The following DZIP1L variants were observed in gnomAD, a reference collection of about 807,000 sequenced individuals.
DZIP1L encodes the protein DAZ interacting zinc finger protein 1 like, also known as cilium assembly protein DZIP1L.
In DZIP1L, 90 loss-of-function variants were observed where a neutral mutation model predicts 88.7. The ratio of observed to expected loss-of-function variants is 1.02; its 90% CI spans 0.86 to 1.21. The LOEUF is 1.21. Ranked by LOEUF, DZIP1L falls within the 50% of genes most tolerant of loss-of-function variation. The pLI is 0.00. For synonymous variants in DZIP1L, 363 were observed against 372.1 expected (o/e 0.98, Z 0.28); for missense variants, 932 against 955.8 (o/e 0.98, Z 0.33).
In DZIP1L at chr3:138,103,836, C is replaced by T. The variant is rs770284499; in HGVS notation, c.136G>A (p.Val46Met). ...GTGGCCACATCCAGTTCCCGGGCCA[C>T]GCGGTCTACATCCAGGGTGCTAATG... Reference protein sequence around the residue: ...RRISTLDVDRVARELDVATLQ... With the variant: ...RRISTLDVDRMARELDVATLQ... The change falls in exon 2 of 16, where the codon GTG (valine) becomes ATG (methionine). Residue 46 changes from valine (V) to methionine (M), a missense_variant. Val to Met is a conservative substitution (Grantham distance 21, BLOSUM62 1). Transcript: ENST00000327532. The T allele has an allele frequency of 8.1e-6, 13 of 1,614,052 alleles. No individual in the cohort carries two copies. The highest frequency in any genetic ancestry group is 4.5e-5 in the East Asian group (2 of 44,900).
At chr3:138,094,816 G>C (rs775060883) in intron 4 of DZIP1L, 46 bp downstream of exon 4, 1 of 1,612,148 alleles carries the variant, frequency 6.2e-7, no homozygotes, top group South Asian at 1.1e-5. Context: ...GGTCTCCTGG[G>C]TAGTCCATGA....
In DZIP1L at chr3:138,063,084, T is replaced by C. The variant is rs1942761380; in HGVS notation, c.2143-107A>G. The C allele has an allele frequency of 8.1e-7, 1 of 1,235,304 alleles. No individual in the cohort carries two copies. The highest frequency in any genetic ancestry group is 2.7e-4 in the Middle Eastern group (1 of 3,660). The allele number at this position is 1,235,304 out of a possible 1,614,324, so 76.5% of individuals were successfully genotyped here. On this transcript the variant is annotated intron_variant, in intron 15 of 15. Transcript: ENST00000327532. This position sits in a 1 kb window ranked among gnomAD's most constrained non-coding sequence, Gnocchi z 4.1. ...AATGCAGAATGGAAATGGGGACAAA[T>C]GCAGACTGGGAAGAAAGCAATAGGG...
chr3:138,075,122 T>C (rs372118798), intron 11 of DZIP1L, among the ~76,000 whole-genome samples: 1 of 152,156 alleles, frequency 6.6e-6, no homozygotes, highest in Non-Finnish European at 1.5e-5. Context: ...TAAATATATA[T>C]GCACCTAACA....
intron 5 of DZIP1L, chr3:138,088,747 G>A (rs1944067983): frequency 2.6e-6 from 3 of 1,176,038 alleles, no homozygotes; most frequent in South Asian, 3.2e-5. Flanking sequence ...ATTAAAGAGT[G>A]TAGTTTCCAT....
intron 13 of DZIP1L, among the ~76,000 whole-genome samples, chr3:138,067,944 T>C (rs1312419175): frequency 6.6e-6 from 1 of 151,528 alleles, no homozygotes; most frequent in Non-Finnish European, 1.5e-5. Context: ...GGGGAGGACA[T>C]GGGTAAGGGG....
In DZIP1L at chr3:138,080,140, C is replaced by T. The variant is rs1196647519; in HGVS notation, c.1288+427G>A. ...TGGATTCCTATGCATTAGTCAGGCC[C>T]TGTGGGACCTATCTGCAGCACACTC... On this transcript the variant is annotated intron_variant, in intron 10 of 15. Coordinates refer to ENST00000327532, the MANE Select transcript of DZIP1L (RefSeq NM_173543.3). Among the ~76,000 whole-genome samples the T allele has an allele frequency of 2.6e-5, 4 of 152,178 alleles. No homozygotes were observed. In the East Asian group the frequency reaches 7.7e-4, roughly 29 times the overall value.
intron 2 of DZIP1L, chr3:138,101,753 G>T: frequency 2.0e-6 from 2 of 979,644 alleles, no homozygotes; most frequent in Non-Finnish European, 3.3e-6. Context: ...CCCTCCAGCA[G>T]CTTCCTATAG....
chr3:138,065,797 C>A (rs1319595484), intron 14 of DZIP1L, among the ~76,000 whole-genome samples: 2 of 152,228 alleles, frequency 1.3e-5, no homozygotes, highest in Non-Finnish European at 2.9e-5. Context: ...TATTCTTTAA[C>A]ACAGCCTTGG....
At chr3:138,099,476 T>C (rs1057011287) in intron 2 of DZIP1L, among the ~76,000 whole-genome samples, 4 of 152,164 alleles carry the variant, frequency 2.6e-5, no homozygotes, top group African/African-American at 9.6e-5. Context: ...GTAATAATAT[T>C]TGGTCTTAGA....
intron 9 of DZIP1L, among the ~76,000 whole-genome samples, chr3:138,081,308 G>A (rs1248505741): frequency 1.3e-5 from 2 of 152,146 alleles, no homozygotes; most frequent in African/African-American, 2.4e-5. Flanking sequence ...GTACCCAAGA[G>A]GAGGAGACTG....
At chr3:138,085,194 G>A (rs1273597760) in intron 7 of DZIP1L, among the ~76,000 whole-genome samples, 9 of 152,140 alleles carry the variant, frequency 5.9e-5, no homozygotes, top group Non-Finnish European at 1.3e-4. Context: ...ACATAGGCAT[G>A]GGCAAGGACT....
At chr3:138,080,443 C>G in intron 10 of DZIP1L, 124 bp downstream of exon 10, 1 of 1,001,428 alleles carries the variant, frequency 1.0e-6, no homozygotes, top group East Asian at 2.5e-5. Context: ...TATTTCATGT[C>G]CTTAGATCCC....
At chr3:138,095,925 A>C (rs1944449861) in intron 3 of DZIP1L, among the ~76,000 whole-genome samples, 1 of 152,258 alleles carries the variant, frequency 6.6e-6, no homozygotes, top group Non-Finnish European at 1.5e-5. Context: ...TAACTAAACC[A>C]CATACTGACG....
chr3:138,092,015 AAATAAG>A (rs1469654610), intron 5 of DZIP1L, among the ~76,000 whole-genome samples: 2 of 152,252 alleles, frequency 1.3e-5, no homozygotes, highest in Non-Finnish European at 2.9e-5. Flanking sequence ...CCCTTCGCAA[AAATAAG>A]AATAATACCT....
At chr3:138,089,349 TG>T in intron 5 of DZIP1L, 1 of 837,750 alleles carries the variant, frequency 1.2e-6, no homozygotes. Flanking sequence ...GGTTTCCATA[TG>T]CTGCTTATGA....
chr3:138,080,586 C>T lies in DZIP1L; in HGVS notation c.1269G>A (p.Glu423=), dbSNP rs1440269167. The change falls in exon 10 of 16, where the codon GAG becomes GAA. Residue 423 remains glutamate, a synonymous_variant. Transcript: ENST00000327532. ...IHKVPKAVDT[E]EDSPEEEMED... is the part of the protein sequence containing the mutation. ...TCCCACCTTCCTCTGGAGAGTCCTC[C>T]TCTGTGTCCACAGCCTTTGGCACCT... 1.2e-6 allele frequency: 2 copies of T among 1,613,874 alleles called. No homozygotes were observed. The highest frequency in any genetic ancestry group is 2.7e-5 in the African/African-American group (2 of 75,046).
chr3:138,067,447 G>T, intron 14 of DZIP1L, 84 bp downstream of exon 14: 1 of 1,440,216 alleles, frequency 6.9e-7, no homozygotes, highest in South Asian at 1.4e-5. Context: ...AAGCTAAAGG[G>T]TGTTTCTGGA....
chr3:138,106,789 G>A (rs1400935060), intron 1 of DZIP1L, among the ~76,000 whole-genome samples: 3 of 151,910 alleles, frequency 2.0e-5, no homozygotes, highest in African/African-American at 4.8e-5. Flanking sequence ...CCGAGATCGC[G>A]CCACGGCACT....
intron 5 of DZIP1L, among the ~76,000 whole-genome samples, chr3:138,090,915 A>G (rs1944188467): frequency 6.7e-6 from 1 of 148,986 alleles, no homozygotes. Context: ...AAGGAGTCTC[A>G]CTCTGTCACC....
Sources: allele counts gnomAD v4.1 joint callset (sites outside exome capture counted in the v4.1 genomes callset), GRCh38; gene constraint gnomAD v4.1.1; non-coding constraint Gnocchi (gnomAD v3.1); transcripts MANE v1.5; gene names NCBI Gene and HGNC (gene_info 2026-07-23, HGNC 2026-07-21).